Variants in RSU1 observed in about 807,000 individuals in gnomAD.
The protein encoded by RSU1 is Ras suppressor protein 1.
Under a neutral mutation model 31.1 loss-of-function variants are expected in RSU1, and 26 were observed. That is an observed-to-expected ratio of 0.84 (90% CI 0.61 to 1.16). The LOEUF is 1.16. Ranked by LOEUF, RSU1 falls within the 50% of genes most tolerant of loss-of-function variation. RSU1 has a pLI of 0.00. For missense variants in RSU1, 320 were observed against 339.1 expected (o/e 0.94, Z 0.44); for synonymous variants, 164 against 136.3 (o/e 1.20, Z -1.41).
intron 8 of RSU1, among the ~76,000 whole-genome samples, chr10:16,673,563 C>A (rs1333490685): frequency 6.6e-6 from 1 of 152,158 alleles, no homozygotes; most frequent in Non-Finnish European, 1.5e-5. Flanking sequence ...TGACAGGATT[C>A]TTCTGTGTGG....
At position 16,591,972 on chromosome 10, in the gene RSU1, T is replaced by C. The variant is rs1346173093; in HGVS notation, c.*1422A>G. 1 of 152,236 alleles carries C rather than the reference T, an allele frequency of 6.6e-6. No homozygotes were observed. The highest frequency in any genetic ancestry group is 1.5e-5 in the Non-Finnish European group (1 of 68,048). The allele number at this position is 152,236 out of a possible 1,614,324, so 9.4% of individuals were successfully genotyped here. ...TTAAATGTTCTATCAGGAATTTGTC[T>C]AGAAGCCAGAAGTTTAGACCTTGCT... On this transcript the variant is annotated 3_prime_UTR_variant, in exon 9 of 9. Coordinates refer to ENST00000345264, the MANE Select transcript of RSU1 (RefSeq NM_012425.4).
At chr10:16,759,181 C>T (rs1188236098) in intron 4 of RSU1, among the ~76,000 whole-genome samples, 4 of 152,108 alleles carry the variant, frequency 2.6e-5, no homozygotes, top group Non-Finnish European at 5.9e-5. Context: ...CAGTGACCTA[C>T]TCACACTTAT....
intron 8 of RSU1, among the ~76,000 whole-genome samples, chr10:16,648,108 C>A (rs1482442295): frequency 1.4e-5 from 2 of 143,166 alleles, no homozygotes; most frequent in African/African-American, 5.7e-5. Context: ...GCCATTGTGC[C>A]TGGCTAATTT....
intron 2 of RSU1, among the ~76,000 whole-genome samples, chr10:16,788,617 C>A (rs61844015): frequency 0.056 from 8,550 of 152,196 alleles, 274 homozygotes; most frequent in East Asian, 0.14. Flanking sequence ...GTTTAAGTAA[C>A]CCAGTCTATA....
chr10:16,650,280 T>A (rs11254132), intron 8 of RSU1, among the ~76,000 whole-genome samples: 1 of 152,110 alleles, frequency 6.6e-6, no homozygotes, highest in African/African-American at 2.4e-5. Context: ...GTCTCATTAA[T>A]CACCTTTCTA....
intron 2 of RSU1, among the ~76,000 whole-genome samples, chr10:16,799,256 G>T (rs556027178): frequency 9.5e-4 from 145 of 152,232 alleles, no homozygotes; most frequent in Admixed American, 1.9e-3. Context: ...GATTCTGGAC[G>T]TTGTCACTAC....
At chr10:16,745,169 A>G (rs1247146822) in intron 7 of RSU1, among the ~76,000 whole-genome samples, 1 of 152,154 alleles carries the variant, frequency 6.6e-6, no homozygotes, top group Admixed American at 6.5e-5. Context: ...AAAGTTTAAT[A>G]GCATAAATAT....
At chr10:16,784,053 G>A (rs1837715894) in intron 2 of RSU1, among the ~76,000 whole-genome samples, 1 of 151,940 alleles carries the variant, frequency 6.6e-6, no homozygotes, top group African/African-American at 2.4e-5. Context: ...AGATTGCAGG[G>A]GCAATTGTTT....
intron 8 of RSU1, among the ~76,000 whole-genome samples, chr10:16,647,446 C>A (rs369999952): frequency 6.6e-6 from 1 of 152,110 alleles, no homozygotes; most frequent in African/African-American, 2.4e-5. Flanking sequence ...AAAACTTGTA[C>A]GGAAATGTTC....
chr10:16,784,904 G>T (rs1454739893), intron 2 of RSU1, among the ~76,000 whole-genome samples: 1 of 152,132 alleles, frequency 6.6e-6, no homozygotes, highest in East Asian at 1.9e-4. Flanking sequence ...CATATCACAT[G>T]GCCAGGGCAG....
chr10:16,616,861 A>G (rs1383831414), intron 8 of RSU1, among the ~76,000 whole-genome samples: 1 of 152,230 alleles, frequency 6.6e-6, no homozygotes. Context: ...TTAATAGCAC[A>G]TATCTCAAAA....
At chr10:16,811,981 A>T (rs1288851018) in intron 2 of RSU1, among the ~76,000 whole-genome samples, 2 of 152,206 alleles carry the variant, frequency 1.3e-5, no homozygotes, top group Non-Finnish European at 2.9e-5. Context: ...CAGGAAATGG[A>T]GTCATGTGAA....
intron 2 of RSU1, among the ~76,000 whole-genome samples, chr10:16,783,336 G>T: frequency 6.7e-6 from 1 of 149,718 alleles, no homozygotes; most frequent in Non-Finnish European, 1.5e-5. Flanking sequence ...AAGAAAATAT[G>T]CATCACTTCT....
At chr10:16,795,262 G>A (rs1183365231) in intron 2 of RSU1, among the ~76,000 whole-genome samples, 1 of 149,584 alleles carries the variant, frequency 6.7e-6, no homozygotes, top group African/African-American at 2.5e-5. Flanking sequence ...GCTGAGGCAG[G>A]AGAATTGCTT....
chr10:16,622,652 A>T lies in RSU1; in HGVS notation c.732-29156T>A, dbSNP rs78491931. Among the ~76,000 whole-genome samples, 182 of 152,346 alleles carry T rather than the reference A, an allele frequency of 1.2e-3. 1 individual carries two copies. Among genetic ancestry groups the T allele is most frequent in the African/African-American group, 4.2e-3 (176 of 41,582 alleles). On this transcript the variant is annotated intron_variant, in intron 8 of 8. Coordinates refer to ENST00000345264, the MANE Select transcript of RSU1 (RefSeq NM_012425.4). ...TGGCAGAGTTCGAGGAGAGAAAAGC[A>T]TATCAAACTGAGCTCCCTGAAAGAT... is the stretch of plus-strand genomic sequence containing the variant.
chr10:16,789,566 A>T (rs7908227), intron 2 of RSU1, among the ~76,000 whole-genome samples: 24 of 151,924 alleles, frequency 1.6e-4, no homozygotes, highest in African/African-American at 3.6e-4. Flanking sequence ...ATGGAAACTG[A>T]GCTGTTAGAA....
intron 8 of RSU1, among the ~76,000 whole-genome samples, chr10:16,595,212 C>T (rs569572567): frequency 2.2e-4 from 33 of 152,326 alleles, no homozygotes; most frequent in Admixed American, 1.6e-3. Flanking sequence ...CTGTGCCTGG[C>T]GTCCAATACT....
intron 8 of RSU1, among the ~76,000 whole-genome samples, chr10:16,675,195 T>G (rs1835204405): frequency 1.7e-5 from 2 of 121,020 alleles, no homozygotes; most frequent in Admixed American, 1.7e-4. Flanking sequence ...AGCGAGACTC[T>G]GTCTCAAAAA....
chr10:16,708,113 A>C (rs973752451), intron 7 of RSU1, among the ~76,000 whole-genome samples: 1 of 152,128 alleles, frequency 6.6e-6, no homozygotes, highest in Admixed American at 6.6e-5. Context: ...TTAGGTTCCC[A>C]TAACTTTGTA....
Sources: allele counts gnomAD v4.1 joint callset (sites outside exome capture counted in the v4.1 genomes callset), GRCh38; gene constraint gnomAD v4.1.1; transcripts MANE v1.5; gene names NCBI Gene and HGNC (gene_info 2026-07-23, HGNC 2026-07-21).